PCDH15: variants seen among roughly 807,000 people sequenced by gnomAD.
PCDH15 encodes the protein protocadherin related 15.
A neutral mutation model predicts 178.5 loss-of-function variants in PCDH15; 129 were observed. The observed-to-expected ratio is 0.72, with a 90% CI of 0.63 to 0.84. The LOEUF is 0.84. Among genes scored for constraint, PCDH15 ranks in the 40% least tolerant of loss-of-function variants. The pLI, the probability that PCDH15 is intolerant of heterozygous loss-of-function variation, is 0.00. For synonymous variants in PCDH15, 800 were observed against 732.0 expected (o/e 1.09, Z -1.50); for missense variants, 2,230 against 2,099.9 (o/e 1.06, Z -1.21).
At chr10:54,699,271 A>G (rs1369347478) in intron 1 of PCDH15, among the ~76,000 whole-genome samples, 1 of 152,126 alleles carries the variant, frequency 6.6e-6, no homozygotes, top group African/African-American at 2.4e-5. Flanking sequence ...TTATGTAAAA[A>G]AAAAACTAGT....
At chr10:55,447,555 G>A (rs547363066) in intron 2 of PCDH15, among the ~76,000 whole-genome samples, 3 of 151,940 alleles carry the variant, frequency 2.0e-5, no homozygotes, top group South Asian at 2.1e-4. Flanking sequence ...TCAAATAGGC[G>A]GAAACAAGAA....
In PCDH15 at chr10:54,521,745, T is replaced by C. The variant is rs75697976; in HGVS notation, c.157+6067A>G. ...GAGGCAGTGATACCACTGAGCCAAA[T>C]TGAATGACTTAATGCATTTTCTGAT... On this transcript the variant is annotated intron_variant, in intron 3 of 37. Transcript: ENST00000644397. Among the ~76,000 whole-genome samples, 428 of 152,290 alleles carry C rather than the reference T, an allele frequency of 2.8e-3. 5 individuals are homozygous for C. The highest frequency in any genetic ancestry group is 9.6e-3 in the African/African-American group (397 of 41,566).
chr10:55,380,156 G>A (rs923603460), intron 2 of PCDH15, among the ~76,000 whole-genome samples: 1 of 152,136 alleles, frequency 6.6e-6, no homozygotes, highest in Non-Finnish European at 1.5e-5. Flanking sequence ...GTCTCATAAA[G>A]TGACAGGCAA....
chr10:54,488,512 T>C (rs2079302420), intron 3 of PCDH15, among the ~76,000 whole-genome samples: 1 of 151,902 alleles, frequency 6.6e-6, no homozygotes, highest in Admixed American at 6.6e-5. Flanking sequence ...AGCATAGCTG[T>C]AGTGTTAGAC....
At chr10:55,027,968 A>G (rs1359319526) in intron 2 of PCDH15, among the ~76,000 whole-genome samples, 1 of 151,814 alleles carries the variant, frequency 6.6e-6, no homozygotes, top group East Asian at 1.9e-4. Context: ...CAGCATCATA[A>G]TAAGTATTAA....
intron 3 of PCDH15, among the ~76,000 whole-genome samples, chr10:54,845,242 C>A (rs1953488215): frequency 6.6e-6 from 1 of 151,534 alleles, no homozygotes; most frequent in Non-Finnish European, 1.5e-5. Flanking sequence ...GCACAGAAAA[C>A]AATGGAATAG....
intron 2 of PCDH15, among the ~76,000 whole-genome samples, chr10:55,017,342 T>C (rs368475156): frequency 2.6e-5 from 4 of 152,294 alleles, no homozygotes; most frequent in Non-Finnish European, 1.5e-5. Context: ...TTAACTTATA[T>C]GATAATACTA....
At chr10:54,238,541 C>T (rs183177035) in intron 8 of PCDH15, among the ~76,000 whole-genome samples, 1 of 151,876 alleles carries the variant, frequency 6.6e-6, no homozygotes. Flanking sequence ...CTATTCTCTC[C>T]TTTAAACGTG....
At chr10:53,917,771 G>A (rs960453109) in intron 25 of PCDH15, among the ~76,000 whole-genome samples, 2 of 152,172 alleles carry the variant, frequency 1.3e-5, no homozygotes, top group Non-Finnish European at 2.9e-5. Context: ...CCCTAGTATT[G>A]GAGGTGGGGC....
rs180898891 is a variant in PCDH15 at position 54,099,423 on chromosome 10, C to T, written c.1918-9360G>A. On this transcript the variant is annotated intron_variant, in intron 15 of 37. Transcript: ENST00000644397. ...GCTGAGGCAGGAGAATGTATGAACC[C>T]AGGAGGAGGAGCTTGCAGTGAGCCA... 6.8e-4 allele frequency among the ~76,000 whole-genome samples: 96 copies of T among 141,678 alleles called. 2 individuals carry two copies. The highest frequency in any genetic ancestry group is 2.3e-3 in the African/African-American group (87 of 37,740). 92.9% of individuals were successfully genotyped at this position (141,678 alleles called of 152,430 possible). A position where few individuals can be genotyped will look rare whatever the true frequency, so the allele number is the denominator to read the frequency against.
intron 1 of PCDH15, among the ~76,000 whole-genome samples, chr10:54,800,420 C>T (rs1413788940): frequency 6.6e-6 from 1 of 152,130 alleles, no homozygotes; most frequent in Non-Finnish European, 1.5e-5. Flanking sequence ...TCAGTATACT[C>T]ACAAAAGACA....
intron 3 of PCDH15, among the ~76,000 whole-genome samples, chr10:54,884,171 T>G (rs1176455391): frequency 1.3e-5 from 2 of 151,966 alleles, no homozygotes; most frequent in African/African-American, 4.8e-5. Context: ...GGTGTTCCAG[T>G]ACCCTTTTTA....
intron 1 of PCDH15, among the ~76,000 whole-genome samples, chr10:54,683,799 C>A (rs1029694286): frequency 3.3e-5 from 5 of 152,084 alleles, no homozygotes; most frequent in Non-Finnish European, 7.4e-5. Context: ...ACCTGAGTTG[C>A]AATCCTGACT....
intron 2 of PCDH15, among the ~76,000 whole-genome samples, chr10:54,541,255 A>G (rs150901031): frequency 1.2e-3 from 186 of 152,270 alleles, no homozygotes; most frequent in African/African-American, 4.2e-3. Flanking sequence ...AACCTCGATG[A>G]CATCACCAAA....
intron 1 of PCDH15, among the ~76,000 whole-genome samples, chr10:55,289,063 A>G (rs1421801563): frequency 6.6e-6 from 1 of 152,058 alleles, no homozygotes; most frequent in Non-Finnish European, 1.5e-5. Flanking sequence ...TAAAGTACCA[A>G]TCAAATGAAA....
At chr10:54,259,001 C>T (rs1462144611) in intron 8 of PCDH15, among the ~76,000 whole-genome samples, 2 of 152,066 alleles carry the variant, frequency 1.3e-5, no homozygotes, top group South Asian at 2.1e-4. Context: ...GTCTTATTCA[C>T]TTCGAATCTT....
intron 27 of PCDH15, among the ~76,000 whole-genome samples, chr10:53,866,246 A>C (rs1720700729): frequency 6.6e-6 from 1 of 152,106 alleles, no homozygotes; most frequent in Admixed American, 6.6e-5. Flanking sequence ...AAATAATTTC[A>C]TAGTTTAATT....
chr10:54,450,158 T>TA (rs1565308335), intron 3 of PCDH15, among the ~76,000 whole-genome samples: 3 of 142,042 alleles, frequency 2.1e-5, no homozygotes, highest in South Asian at 2.2e-4. Flanking sequence ...TATATATATA[T>TA]TATACTTTAA....
intron 2 of PCDH15, among the ~76,000 whole-genome samples, chr10:55,408,030 T>C (rs1838242689): frequency 6.6e-6 from 1 of 152,068 alleles, no homozygotes; most frequent in South Asian, 2.1e-4. Flanking sequence ...ACACTAACCA[T>C]AAAGATACCA....
Sources: allele counts gnomAD v4.1 joint callset (sites outside exome capture counted in the v4.1 genomes callset), GRCh38; gene constraint gnomAD v4.1.1; transcripts MANE v1.5; gene names NCBI Gene and HGNC (gene_info 2026-07-23, HGNC 2026-07-21).